Variants in NAALADL2 observed in about 807,000 individuals in gnomAD.
NAALADL2 encodes inactive N-acetylated-alpha-linked acidic dipeptidase-like protein 2.
Under a neutral mutation model 87.2 loss-of-function variants are expected in NAALADL2, and 76 were observed. That is an observed-to-expected ratio of 0.87 (90% CI 0.72 to 1.05). NAALADL2 has a LOEUF of 1.05. NAALADL2 is among the 50% of genes least tolerant of loss of function. The pLI, the probability that NAALADL2 is intolerant of heterozygous loss-of-function variation, is 0.00. For missense variants in NAALADL2, 1,089 were observed against 945.8 expected, an observed-to-expected ratio of 1.15 and a Z score of -1.99; for synonymous variants, 354 against 331.0, an observed-to-expected ratio of 1.07 and a Z score of -0.75.
At chr3:175,373,066 A>G (rs1041889980) in intron 5 of NAALADL2, among the ~76,000 whole-genome samples, 19 of 152,318 alleles carry the variant, frequency 1.2e-4, no homozygotes, top group African/African-American at 4.1e-4. Context: ...CTTGGCTGCA[A>G]TTGAACATGC....
At chr3:175,303,777 T>C (rs1757364799) in intron 4 of NAALADL2, among the ~76,000 whole-genome samples, 1 of 152,178 alleles carries the variant, frequency 6.6e-6, no homozygotes, top group Non-Finnish European at 1.5e-5. Context: ...TTACAGCAGT[T>C]TCTGTGAAAA....
intron 1 of NAALADL2, among the ~76,000 whole-genome samples, chr3:174,542,034 T>G (rs1722285662): frequency 6.6e-6 from 1 of 152,212 alleles, no homozygotes; most frequent in Non-Finnish European, 1.5e-5. Context: ...TACCCATTTT[T>G]AATTCTGTGC....
At chr3:174,892,462 CAAA>C (rs531987532) in intron 1 of NAALADL2, among the ~76,000 whole-genome samples, 2 of 150,596 alleles carry the variant, frequency 1.3e-5, no homozygotes, top group Non-Finnish European at 3.0e-5. Context: ...ACAAAAAAGA[CAAA>C]AAAAAGTACA....
intron 1 of NAALADL2, among the ~76,000 whole-genome samples, chr3:174,967,029 T>C (rs1411230764): frequency 6.6e-6 from 1 of 152,176 alleles, no homozygotes; most frequent in Non-Finnish European, 1.5e-5. Flanking sequence ...TAGGATAAGA[T>C]AGACAATAGT....
chr3:174,620,408 A>C (rs1452949124), intron 2 of NAALADL2, among the ~76,000 whole-genome samples: 1 of 151,954 alleles, frequency 6.6e-6, no homozygotes, highest in Non-Finnish European at 1.5e-5. Context: ...TATTACATGA[A>C]CTACTTTCAG....
Position 175,175,738 on chromosome 3 carries a change from T to C in NAALADL2, c.546-58193T>C, listed in dbSNP as rs139843331. ...TCTGATTTTTAGCCAATAATATATT[T>C]CTTTCATATGTTCACTCAATCTGTA... On this transcript the variant is annotated intron_variant, in intron 2 of 13. Transcript: ENST00000454872. 2.2e-3 allele frequency among the ~76,000 whole-genome samples: 334 copies of C among 152,216 alleles called. 2 individuals carry two copies. Among genetic ancestry groups the C allele is most frequent in the Non-Finnish European group, 3.9e-3 (262 of 67,958 alleles).
intron 1 of NAALADL2, among the ~76,000 whole-genome samples, chr3:175,013,287 AT>A (rs1750360017): frequency 1.2e-5 from 1 of 86,416 alleles, no homozygotes; most frequent in African/African-American, 6.2e-5. Context: ...ACATATATAT[AT>A]ATATATATAT....
chr3:174,501,002 G>A (rs1373077412), intron 1 of NAALADL2, among the ~76,000 whole-genome samples: 1 of 149,678 alleles, frequency 6.7e-6, no homozygotes, highest in Non-Finnish European at 1.5e-5. Flanking sequence ...GATTATAGGC[G>A]CCCGCCACCA....
intron 4 of NAALADL2, among the ~76,000 whole-genome samples, chr3:175,315,036 A>G (rs867091544): frequency 6.6e-6 from 1 of 152,082 alleles, no homozygotes. Context: ...GAAAGACAAA[A>G]TACAATGTCA....
intron 10 of NAALADL2, among the ~76,000 whole-genome samples, chr3:175,586,131 CT>C (rs571311574): frequency 2.0e-5 from 3 of 151,970 alleles, no homozygotes; most frequent in Non-Finnish European, 2.9e-5. Flanking sequence ...ACGCCCTGTT[CT>C]TGAATCTCCA....
intron 4 of NAALADL2, among the ~76,000 whole-genome samples, chr3:175,322,966 G>T (rs927392392): frequency 5.3e-5 from 8 of 151,828 alleles, no homozygotes; most frequent in Non-Finnish European, 1.0e-4. Context: ...AATACCATTT[G>T]ACCCAGCCAT....
intron 6 of NAALADL2, among the ~76,000 whole-genome samples, chr3:175,463,047 T>C (rs1490038095): frequency 6.6e-6 from 1 of 152,178 alleles, no homozygotes; most frequent in Non-Finnish European, 1.5e-5. Flanking sequence ...TAATCTATTT[T>C]TTTCTGTTTT....
At chr3:174,805,560 C>T (rs1719370938) in intron 3 of NAALADL2, among the ~76,000 whole-genome samples, 1 of 152,066 alleles carries the variant, frequency 6.6e-6, no homozygotes, top group Admixed American at 6.6e-5. Flanking sequence ...GTCATGTTAA[C>T]ATTTCAGGAA....
At chr3:175,181,701 A>T (rs76005331) in intron 2 of NAALADL2, among the ~76,000 whole-genome samples, 11 of 108,240 alleles carry the variant, frequency 1.0e-4, no homozygotes, top group African/African-American at 4.2e-4. Flanking sequence ...ATATATATAT[A>T]TATGTGTGTG....
At chr3:175,294,154 C>T (rs1416391157) in intron 4 of NAALADL2, among the ~76,000 whole-genome samples, 1 of 152,096 alleles carries the variant, frequency 6.6e-6, no homozygotes, top group South Asian at 2.1e-4. Flanking sequence ...TAGAATATAG[C>T]CAGTAAAGCA....
At chr3:175,070,465 A>G (rs1715424543) in intron 1 of NAALADL2, among the ~76,000 whole-genome samples, 1 of 152,068 alleles carries the variant, frequency 6.6e-6, no homozygotes, top group South Asian at 2.1e-4. Flanking sequence ...TCTTGAACTG[A>G]TAAGCCTTCC....
intron 2 of NAALADL2, among the ~76,000 whole-genome samples, chr3:174,733,419 C>T (rs1206034798): frequency 2.6e-5 from 4 of 152,232 alleles, no homozygotes; most frequent in Non-Finnish European, 5.9e-5. Context: ...GACTTTTCAT[C>T]TGTCTAACTC....
At chr3:174,521,571 C>CAAAAAAAA (rs58465181) in intron 1 of NAALADL2, among the ~76,000 whole-genome samples, 37 of 56,174 alleles carry the variant, frequency 6.6e-4, no homozygotes, top group East Asian at 1.6e-3. Flanking sequence ...GACCCTGTCT[C>CAAAAAAAA]AAAAAAAAAA....
chr3:175,190,574 G>A (rs1011968252), intron 2 of NAALADL2, among the ~76,000 whole-genome samples: 1 of 152,098 alleles, frequency 6.6e-6, no homozygotes, highest in African/African-American at 2.4e-5. Context: ...AAGAAAAGAG[G>A]ACTCTTGATG....
Sources: allele counts gnomAD v4.1 joint callset (sites outside exome capture counted in the v4.1 genomes callset), GRCh38; gene constraint gnomAD v4.1.1; transcripts MANE v1.5; gene names NCBI Gene and HGNC (gene_info 2026-07-23, HGNC 2026-07-21).